FUT8: variants seen among roughly 807,000 people sequenced by gnomAD.
FUT8 encodes the protein alpha-(1,6)-fucosyltransferase.
Under a neutral mutation model 71.3 loss-of-function variants are expected in FUT8, and 29 were observed. The observed-to-expected ratio is 0.41, with a 90% CI of 0.30 to 0.55. The LOEUF is 0.55. FUT8 is among the 20% of genes least tolerant of loss of function. The pLI is 0.34. For missense variants in FUT8, 544 were observed against 702.1 expected (o/e 0.77, Z 2.55); for synonymous variants, 254 against 239.3 (o/e 1.06, Z -0.57).
rs35942953 is a variant in FUT8, at chr14:65,608,063, CAAAAAAAAAA to C, written c.204-7905_204-7896del. ...CTGGCAACAAAGCTAGACTCCGTCT[CAAAAAAAAAA>C]AAAAAAAAATGCTTGAATCTAAAGT... On this transcript the variant is annotated intron_variant, in intron 3 of 10. Transcript: ENST00000673929. 1.9e-3 allele frequency among the ~76,000 whole-genome samples: 210 copies of C among 108,612 alleles called. 2 individuals are homozygous for C. The highest frequency in any genetic ancestry group is 2.9e-3 in the Non-Finnish European group (157 of 54,216). 71.3% of individuals were successfully genotyped at this position (108,612 alleles called of 152,430 possible).
At chr14:65,587,836 G>C (rs1362399058) in intron 3 of FUT8, among the ~76,000 whole-genome samples, 2 of 152,176 alleles carry the variant, frequency 1.3e-5, no homozygotes, top group Non-Finnish European at 2.9e-5. Flanking sequence ...TGTGAATTCT[G>C]TAACATTTGA....
chr14:65,606,440 T>A (rs1037913576), intron 3 of FUT8, among the ~76,000 whole-genome samples: 1 of 151,316 alleles, frequency 6.6e-6, no homozygotes, highest in Non-Finnish European at 1.5e-5. Context: ...TTTGGGCTTT[T>A]AAAAAAAAAT....
chr14:65,580,599 G>T (rs1887039546), intron 3 of FUT8, among the ~76,000 whole-genome samples: 1 of 151,954 alleles, frequency 6.6e-6, no homozygotes, highest in Non-Finnish European at 1.5e-5. Flanking sequence ...ATTATTATTT[G>T]ATTGTTTTTG....
At chr14:65,666,757 T>A (rs907152857) in intron 6 of FUT8, among the ~76,000 whole-genome samples, 4 of 152,078 alleles carry the variant, frequency 2.6e-5, no homozygotes, top group East Asian at 1.9e-4. Context: ...TTGATGAACA[T>A]AGATGCAAAA....
At chr14:65,692,556 G>C (rs1893717576) in intron 7 of FUT8, among the ~76,000 whole-genome samples, 1 of 145,558 alleles carries the variant, frequency 6.9e-6, no homozygotes, top group Admixed American at 6.7e-5. Flanking sequence ...CGGGAGGGGG[G>C]CTGACCCCCC....
intron 10 of FUT8, among the ~76,000 whole-genome samples, chr14:65,740,074 T>G (rs1896417282): frequency 1.3e-5 from 2 of 152,082 alleles, no homozygotes. Context: ...TTGCCTTCTA[T>G]GAGCCTTTGG....
intron 2 of FUT8, among the ~76,000 whole-genome samples, chr14:65,457,159 C>A (rs1375449848): frequency 6.6e-6 from 1 of 152,140 alleles, no homozygotes; most frequent in Non-Finnish European, 1.5e-5. Context: ...ACCCATTAGT[C>A]AACCTTTCTT....
At chr14:65,600,284 T>C (rs1888226552) in intron 3 of FUT8, among the ~76,000 whole-genome samples, 1 of 152,234 alleles carries the variant, frequency 6.6e-6, no homozygotes, top group African/African-American at 2.4e-5. Context: ...ATGACAGAGC[T>C]TTGTTATTTT....
chr14:65,552,070 T>C (rs1885318715), intron 2 of FUT8, among the ~76,000 whole-genome samples: 2 of 152,210 alleles, frequency 1.3e-5, no homozygotes, highest in South Asian at 4.1e-4. Context: ...TATATTTTGA[T>C]TTTCAAATTA....
intron 6 of FUT8, among the ~76,000 whole-genome samples, chr14:65,633,867 C>T (rs549783577): frequency 1.7e-4 from 26 of 151,792 alleles, no homozygotes; most frequent in African/African-American, 4.6e-4. Context: ...AGCCCCCACT[C>T]GGCCAGCTGC....
At chr14:65,608,686 T>TGCC (rs1888717426) in intron 3 of FUT8, among the ~76,000 whole-genome samples, 1 of 151,966 alleles carries the variant, frequency 6.6e-6, no homozygotes, top group Admixed American at 6.6e-5. Flanking sequence ...CCTTAAAGGC[T>TGCC]TTTAAAATAG....
intron 7 of FUT8, among the ~76,000 whole-genome samples, chr14:65,702,128 C>A (rs1458337741): frequency 6.6e-6 from 1 of 152,044 alleles, no homozygotes; most frequent in African/African-American, 2.4e-5. Context: ...GGCGGATCAC[C>A]TGAGGTTGGG....
chr14:65,479,608 C>CAA (rs59538561), intron 2 of FUT8: 11,054 of 152,250 alleles, frequency 0.073, 719 homozygotes, highest in South Asian at 0.2. Flanking sequence ...TCCTGTCCTC[C>CAA]CTTTCCCCTG....
At chr14:65,630,229 G>T (rs1221530043) in intron 6 of FUT8, among the ~76,000 whole-genome samples, 1 of 152,104 alleles carries the variant, frequency 6.6e-6, no homozygotes, top group Non-Finnish European at 1.5e-5. Flanking sequence ...GCAGTAAGGG[G>T]TCACTGAAAG....
At chr14:65,409,317 GAA>G (rs1369778349), upstream of FUT8, among the ~76,000 whole-genome samples, 3 of 152,198 alleles carry the variant, frequency 2.0e-5, no homozygotes, top group Non-Finnish European at 2.9e-5. The surrounding 1 kb of genome is among the most constrained non-coding windows in gnomAD (Gnocchi z 5.4). Flanking sequence ...GGTAGAGATA[GAA>G]AAATTTCTAA....
At chr14:65,449,973 A>G (rs1161203759) in intron 1 of FUT8, among the ~76,000 whole-genome samples, 1 of 152,246 alleles carries the variant, frequency 6.6e-6, no homozygotes, top group Non-Finnish European at 1.5e-5. Context: ...TTTCTTAAAA[A>G]TGACCAATTT....
At chr14:65,540,632 T>G (rs757576911) in intron 2 of FUT8, among the ~76,000 whole-genome samples, 1 of 152,234 alleles carries the variant, frequency 6.6e-6, no homozygotes, top group Non-Finnish European at 1.5e-5. Flanking sequence ...TCAATATTGC[T>G]TAAGCTATTG....
At chr14:65,435,801 T>C (rs1452986868) in intron 1 of FUT8, among the ~76,000 whole-genome samples, 1 of 151,956 alleles carries the variant, frequency 6.6e-6, no homozygotes, top group Non-Finnish European at 1.5e-5. Flanking sequence ...TTTCTTTTTT[T>C]TTTTTTTAAT....
intron 3 of FUT8, among the ~76,000 whole-genome samples, chr14:65,608,490 G>A (rs1051247381): frequency 6.6e-6 from 1 of 151,904 alleles, no homozygotes; most frequent in African/African-American, 2.4e-5. Flanking sequence ...TATTCTGATT[G>A]CAAAGCAGTA....
Sources: allele counts gnomAD v4.1 joint callset (sites outside exome capture counted in the v4.1 genomes callset), GRCh38; gene constraint gnomAD v4.1.1; non-coding constraint Gnocchi (gnomAD v3.1); transcripts MANE v1.5; gene names NCBI Gene and HGNC (gene_info 2026-07-23, HGNC 2026-07-21).